Variants in CRTAM observed in about 807,000 individuals in gnomAD.
CRTAM encodes cytotoxic and regulatory T cell molecule.
Under a neutral mutation model 50.0 loss-of-function variants are expected in CRTAM, and 44 were observed. The ratio of observed to expected loss-of-function variants is 0.88; its 90% CI spans 0.69 to 1.13. The LOEUF is 1.13. Among genes scored for constraint, CRTAM ranks in the 50% most tolerant of loss-of-function variants. The pLI, the probability that CRTAM is intolerant of heterozygous loss-of-function variation, is 0.00. For missense variants in CRTAM, 448 were observed against 457.5 expected (o/e 0.98, Z 0.19); for synonymous variants, 159 against 169.3 (o/e 0.94, Z 0.47).
intron 9 of CRTAM, among the ~76,000 whole-genome samples, chr11:122,868,660 T>G (rs1862214166): frequency 6.6e-6 from 1 of 152,196 alleles, no homozygotes; most frequent in Non-Finnish European, 1.5e-5. Context: ...GAGGTATTTC[T>G]TAATCCACCC....
intron 1 of CRTAM, among the ~76,000 whole-genome samples, chr11:122,843,917 A>C (rs1202176485): frequency 6.6e-6 from 1 of 152,194 alleles, no homozygotes; most frequent in East Asian, 1.9e-4. Flanking sequence ...CACTGGGGCT[A>C]TTCTTCCCTT....
Position 122,871,345 on chromosome 11 carries a change from A to T in CRTAM, c.1128A>T (p.Val376=). 6.2e-7 allele frequency: 1 copy of T among 1,613,754 alleles called. No homozygotes were observed. Among genetic ancestry groups the T allele is most frequent in the Non-Finnish European group, 8.5e-7 (1 of 1,179,644 alleles). Residue 376 remains valine (V), a synonymous_variant, in exon 10 of 10, where the codon GTA becomes GTT. Transcript: ENST00000227348. ...SEAKTKRKEN[V]QHSKLEEKHI... is the part of the protein sequence containing the mutation. ...CAAAAACAAAGAGGAAGGAAAATGT[A>T]CAACATTCAAAATTAGAAGAAAAGC...
Position 122,861,110 on chromosome 11 carries a change from G to A in CRTAM, c.653-1354G>A, listed in dbSNP as rs533514532. On this transcript the variant is annotated intron_variant, in intron 5 of 9. Coordinates refer to ENST00000227348, the MANE Select transcript of CRTAM (RefSeq NM_019604.4). ...TTCTTCAATTTTCTCTGGCACCTGT[G>A]TGGTCAGAGTTCATTTTAGCCTTAT... Among the ~76,000 whole-genome samples the A allele has an allele frequency of 2.6e-5, 4 of 152,094 alleles. No homozygotes were observed. In the South Asian group the frequency reaches 8.3e-4, roughly 32 times the overall value.
At chr11:122,871,185 A>G in intron 9 of CRTAM, 84 bp from the exon 10 acceptor site, 1 of 1,278,648 alleles carries the variant, frequency 7.8e-7, no homozygotes, top group Non-Finnish European at 1.1e-6. Flanking sequence ...ACCTAAAAAT[A>G]TGATATCCAA....
intron 5 of CRTAM, among the ~76,000 whole-genome samples, chr11:122,858,384 C>A (rs1224269618): frequency 1.3e-5 from 2 of 152,108 alleles, no homozygotes; most frequent in Non-Finnish European, 2.9e-5. Flanking sequence ...AGCCACCACG[C>A]CCTGCTAATT....
At chr11:122,863,885 G>A (rs1862132322) in intron 6 of CRTAM, among the ~76,000 whole-genome samples, 2 of 151,992 alleles carry the variant, frequency 1.3e-5, no homozygotes. Flanking sequence ...AGAATGGGAG[G>A]CTTCATTCCC....
intron 7 of CRTAM, 111 bp from the exon 8 acceptor site, chr11:122,867,298 A>T: frequency 1.1e-6 from 1 of 899,948 alleles, no homozygotes; most frequent in Non-Finnish European, 1.7e-6. Flanking sequence ...TCTTCATCTG[A>T]GCTGTCTATT....
chr11:122,843,460 T>C (rs575094010), intron 1 of CRTAM, among the ~76,000 whole-genome samples: 73 of 152,292 alleles, frequency 4.8e-4, no homozygotes, highest in African/African-American at 1.7e-3. Context: ...AACACCACAG[T>C]CATTCATTGT....
intron 1 of CRTAM, among the ~76,000 whole-genome samples, chr11:122,839,072 G>A (rs1861768349): frequency 1.3e-5 from 2 of 152,216 alleles, no homozygotes; most frequent in Non-Finnish European, 2.9e-5. Flanking sequence ...GGGACTACAG[G>A]TGCCCGCCAC....
At chr11:122,866,843 T>G (rs904162687) in intron 7 of CRTAM, among the ~76,000 whole-genome samples, 4 of 152,058 alleles carry the variant, frequency 2.6e-5, no homozygotes, top group Non-Finnish European at 4.4e-5. Context: ...ACTCCTGGCC[T>G]CAAGCAACCC....
At chr11:122,851,612 T>G in intron 2 of CRTAM, 81 bp from the exon 3 acceptor site, 1 of 1,263,352 alleles carries the variant, frequency 7.9e-7, no homozygotes, top group Non-Finnish European at 1.1e-6. Flanking sequence ...AGCGGGGCAG[T>G]GCTTCTGGCA....
chr11:122,846,384 C>T (rs1398846473), intron 1 of CRTAM, among the ~76,000 whole-genome samples: 1 of 134,170 alleles, frequency 7.5e-6, no homozygotes, highest in African/African-American at 2.8e-5. Flanking sequence ...ACTCAGCTCA[C>T]TGCAACCTCC....
In CRTAM at chr11:122,850,564, C is replaced by A. The variant is rs191460165; in HGVS notation, c.193+350C>A. Among the ~76,000 whole-genome samples the A allele has an allele frequency of 2.0e-5, 3 of 152,282 alleles. No individual in the cohort carries two copies. The East Asian group carries it at 5.8e-4, about 29-fold the overall frequency. On this transcript the variant is annotated intron_variant, in intron 2 of 9. Transcript: ENST00000227348. ...ACAGGCAACCAACTGACTGGGAGCC[C>A]GATCCTCATGCAACCACCACCACCC...
In CRTAM at chr11:122,871,383, CAG is replaced by C. The variant is rs1283825714; in HGVS notation, c.1171_1172del (p.Ser391TyrfsTer32). On this transcript the variant is annotated frameshift_variant, in exon 10 of 10. Transcript: ENST00000227348. LOFTEE classifies it high-confidence loss of function. ...TTAGAAGAAAAGCACATCCAAGTAC[CAG>C]AGAGTATTGTGTAGTGCTCTCTGCA... The C allele has an allele frequency of 6.2e-7, 1 of 1,613,398 alleles. No individual in the cohort carries two copies. Among genetic ancestry groups the C allele is most frequent in the African/African-American group, 1.3e-5 (1 of 74,888 alleles).
chr11:122,863,260 A>AGAG, intron 6 of CRTAM, among the ~76,000 whole-genome samples: 1 of 65,012 alleles, frequency 1.5e-5, no homozygotes, highest in African/African-American at 5.6e-5. Context: ...AGAGAAAGAA[A>AGAG]AGAAAGAAAG....
intron 1 of CRTAM, among the ~76,000 whole-genome samples, chr11:122,848,539 G>T (rs1309680750): frequency 6.6e-6 from 1 of 152,182 alleles, no homozygotes; most frequent in Non-Finnish European, 1.5e-5. Context: ...TCCCGTGAAA[G>T]CTTATATGAA....
chr11:122,850,239 A>G, intron 2 of CRTAM, 25 bp downstream of exon 2: 1 of 1,577,836 alleles, frequency 6.3e-7, no homozygotes, highest in Non-Finnish European at 8.6e-7. Flanking sequence ...GAAAGAAAAA[A>G]TGCCACCAGA....
chr11:122,841,404 ATTT>A (rs35383058), intron 1 of CRTAM, among the ~76,000 whole-genome samples: 1 of 143,352 alleles, frequency 7.0e-6, no homozygotes, highest in African/African-American at 2.6e-5. Context: ...CTTTTACTCT[ATTT>A]TTTTTTTTTT....
Position 122,868,065 on chromosome 11 carries a change from T to C in CRTAM, c.1017T>C (p.Asn339=). The C allele has an allele frequency of 6.2e-7, 1 of 1,613,284 alleles. No homozygotes were observed. Among genetic ancestry groups the C allele is most frequent in the Non-Finnish European group, 8.5e-7 (1 of 1,179,380 alleles). ...AAAGTTACAGATCAAGGTCAAATAA[T>C]GAAGAAACATCATCTGAAGAGAAAA... The part of the protein sequence containing the change: ...TLESYRSRSN[N]EETSSEEKNG... Residue 339 remains asparagine (N), a synonymous_variant, in exon 9 of 10, where the codon AAT becomes AAC. Transcript: ENST00000227348.
Sources: gnomAD v4.1 joint callset for allele counts (sites outside exome capture counted in the v4.1 genomes callset) on GRCh38, gnomAD v4.1.1 for gene constraint, MANE v1.5 for transcripts, NCBI Gene and HGNC (gene_info 2026-07-23, HGNC 2026-07-21) for gene names.